SLC4A1AP: variants seen among roughly 807,000 people sequenced by gnomAD.
SLC4A1AP encodes kanadaptin.
Under a neutral mutation model 89.7 loss-of-function variants are expected in SLC4A1AP, and 64 were observed. The ratio of observed to expected loss-of-function variants is 0.71; its 90% CI spans 0.58 to 0.88. The LOEUF (loss-of-function observed/expected upper bound fraction) is 0.88, where lower values mean the gene tolerates loss of function less well. Ranked by LOEUF, SLC4A1AP falls within the 40% of genes least tolerant of loss-of-function variation. The pLI, the probability that SLC4A1AP is intolerant of heterozygous loss-of-function variation, is 0.00. For synonymous variants in SLC4A1AP, 366 were observed against 353.3 expected (o/e 1.04, Z -0.40); for missense variants, 931 against 965.0 (o/e 0.96, Z 0.47).
chr2:27,685,388 A>T, intron 10 of SLC4A1AP, 111 bp downstream of exon 10: 1 of 1,343,866 alleles, frequency 7.4e-7, no homozygotes, highest in Non-Finnish European at 1.0e-6. Context: ...TTTGTATGTG[A>T]TATACTGACT....
At chr2:27,684,920 G>A (rs1288715460) in intron 9 of SLC4A1AP, 117 bp from the exon 10 acceptor site, 12 of 1,231,250 alleles carry the variant, frequency 9.7e-6, no homozygotes, top group Non-Finnish European at 1.2e-5. Flanking sequence ...CTTCTGTGGA[G>A]TTCATCAACC....
At chr2:27,676,262 C>T (rs1378899092) in intron 6 of SLC4A1AP, among the ~76,000 whole-genome samples, 1 of 152,256 alleles carries the variant, frequency 6.6e-6, no homozygotes, top group East Asian at 1.9e-4. Flanking sequence ...ACAATACAAC[C>T]TTTTAAGTGA....
chr2:27,685,323 A>G (rs763511464), intron 10 of SLC4A1AP, 46 bp downstream of exon 10: 5 of 1,560,004 alleles, frequency 3.2e-6, no homozygotes, highest in Non-Finnish European at 3.5e-6. Context: ...GGGCAGTTAC[A>G]TTGATTGTGG....
intron 5 of SLC4A1AP, among the ~76,000 whole-genome samples, chr2:27,672,588 G>A (rs139384351): frequency 2.9e-4 from 44 of 152,040 alleles, no homozygotes; most frequent in African/African-American, 1.1e-3. Flanking sequence ...TTCTTTTTAT[G>A]TGGTCTCTGT....
At chr2:27,666,359 A>ACCCC (rs1553363258) in intron 2 of SLC4A1AP, among the ~76,000 whole-genome samples, 3 of 3,366 alleles carry the variant, frequency 8.9e-4, no homozygotes, top group Admixed American at 4.7e-3. Context: ...TCCACCCCCC[A>ACCCC]CCCCCCCCCC....
rs1398113963 is a variant in SLC4A1AP at position 27,685,042 on chromosome 2, A to AC, written c.1887dup (p.Lys630GlnfsTer15). On this transcript the variant is annotated frameshift_variant, in exon 10 of 14. Coordinates refer to ENST00000613058, the Ensembl canonical transcript of SLC4A1AP. LOFTEE classifies it high-confidence loss of function. The stretch of plus-strand genomic sequence containing the variant: ...TGGTTTTGTTTCCCTCTTAGAAGTT[A>AC]CCCCCCAAGCGTCCAGAACTCCCTC... 6.3e-7 allele frequency: 1 copy of AC among 1,594,466 alleles called. No individual in the cohort carries two copies. Among genetic ancestry groups the AC allele is most frequent in the Non-Finnish European group, 8.5e-7 (1 of 1,173,898 alleles).
chr2:27,675,649 AG>A lies in SLC4A1AP; in HGVS notation c.1465del (p.Ala489LeufsTer18), dbSNP rs1408181386. ...AAGAAGCGTCTGAACAGAATGAAGA[AG>A]GCTGGCAAGATTGATGAGAAGCCAG... On this transcript the variant is annotated frameshift_variant, in exon 6 of 14. Coordinates refer to ENST00000613058, the Ensembl canonical transcript of SLC4A1AP. LOFTEE classifies it high-confidence loss of function. 1 of 1,602,174 alleles carries A rather than the reference AG, an allele frequency of 6.2e-7. No homozygotes were observed. Among genetic ancestry groups the A allele is most frequent in the Admixed American group, 1.7e-5 (1 of 59,412 alleles).
In SLC4A1AP at chr2:27,664,083, T is replaced by TC; in HGVS notation, c.333dup (p.Asn112GlnfsTer16). 4 of 1,614,108 alleles carry TC rather than the reference T, an allele frequency of 2.5e-6. No individual in the cohort carries two copies. Among genetic ancestry groups the TC allele is most frequent in the Non-Finnish European group, 3.4e-6 (4 of 1,180,014 alleles). ...GGAAGGGCCCACTGCGTTGCAGGAC[T>TC]CCAATTCTGGGGAGCCCGACATCCC... On this transcript the variant is annotated frameshift_variant, in exon 1 of 14. Coordinates refer to ENST00000613058, the Ensembl canonical transcript of SLC4A1AP. LOFTEE classifies it high-confidence loss of function.
intron 9 of SLC4A1AP, among the ~76,000 whole-genome samples, chr2:27,683,847 T>C (rs112139837): frequency 0.047 from 7,153 of 152,172 alleles, 431 homozygotes; most frequent in African/African-American, 0.15. Flanking sequence ...GCGATTCTCC[T>C]GCCTCAGCTT....
At chr2:27,687,565 T>G (rs144437112) in intron 10 of SLC4A1AP, among the ~76,000 whole-genome samples, 2 of 152,298 alleles carry the variant, frequency 1.3e-5, no homozygotes, top group East Asian at 3.9e-4. Flanking sequence ...CACTCCAGCT[T>G]GGGCAACAGA....
At chr2:27,689,544 C>G (rs1192587352) in intron 12 of SLC4A1AP, among the ~76,000 whole-genome samples, 1 of 152,164 alleles carries the variant, frequency 6.6e-6, no homozygotes, top group African/African-American at 2.4e-5. Flanking sequence ...ATGCTTAATT[C>G]CCCTAAGAAC....
chr2:27,674,026 G>C (rs1032641265), intron 5 of SLC4A1AP, among the ~76,000 whole-genome samples: 1 of 150,774 alleles, frequency 6.6e-6, no homozygotes, highest in East Asian at 1.9e-4. Flanking sequence ...GTGTGTGTGT[G>C]TGTGTCTGTG....
chr2:27,663,930 T>A (rs1005534922), exon 1 of SLC4A1AP: 1 of 1,614,046 alleles, frequency 6.2e-7, no homozygotes, highest in Non-Finnish European at 8.5e-7. Flanking sequence ...TGACATTCTC[T>A]CTCAGTCAGA....
intron 5 of SLC4A1AP, among the ~76,000 whole-genome samples, chr2:27,675,257 C>G (rs1558507166): frequency 6.6e-6 from 1 of 152,182 alleles, no homozygotes; most frequent in Non-Finnish European, 1.5e-5. Context: ...TCCTTCCCAG[C>G]CTCTGGCAAC....
At chr2:27,674,713 A>ATT (rs71401579) in intron 5 of SLC4A1AP, among the ~76,000 whole-genome samples, 15 of 118,098 alleles carry the variant, frequency 1.3e-4, no homozygotes, top group Admixed American at 2.5e-4. Context: ...TTCCTCATTG[A>ATT]TTTTTTTTTT....
Position 27,673,359 on chromosome 2 carries a change from C to G in SLC4A1AP, c.1346-2173C>G, listed in dbSNP as rs192052029. Reference sequence around the variant, plus strand: ...TTTCTTTCTTTCTTTTTCTTTTCCTCCTTTCCCTCCCTTCTCTTTTTTCCT... The same window carrying G: ...TTTCTTTCTTTCTTTTTCTTTTCCTGCTTTCCCTCCCTTCTCTTTTTTCCT... On this transcript the variant is annotated intron_variant, in intron 5 of 13. Coordinates refer to ENST00000613058, the Ensembl canonical transcript of SLC4A1AP. Among the ~76,000 whole-genome samples, 44 of 145,538 alleles carry G rather than the reference C, an allele frequency of 3.0e-4. 1 individual carries two copies. Among genetic ancestry groups the G allele is most frequent in the African/African-American group, 1.1e-3 (42 of 39,492 alleles).
intron 12 of SLC4A1AP, among the ~76,000 whole-genome samples, chr2:27,691,389 T>C (rs1400347636): frequency 6.6e-6 from 1 of 152,112 alleles, no homozygotes; most frequent in Admixed American, 6.5e-5. Flanking sequence ...TTGCTTGTAA[T>C]GTCTCCATTT....
chr2:27,665,928 A>C (rs1161345225), intron 2 of SLC4A1AP, among the ~76,000 whole-genome samples: 1 of 152,232 alleles, frequency 6.6e-6, no homozygotes, highest in African/African-American at 2.4e-5. Context: ...AGTATGCTAG[A>C]GTGAAAGTTT....
At chr2:27,683,902 A>AT (rs1328009037) in intron 9 of SLC4A1AP, among the ~76,000 whole-genome samples, 1 of 151,550 alleles carries the variant, frequency 6.6e-6, no homozygotes, top group Non-Finnish European at 1.5e-5. Flanking sequence ...CGCCCAACTA[A>AT]TTTTTTGTAT....
Sources: allele counts gnomAD v4.1 joint callset (sites outside exome capture counted in the v4.1 genomes callset), GRCh38; gene constraint gnomAD v4.1.1; transcripts MANE v1.5; gene names NCBI Gene and HGNC (gene_info 2026-07-23, HGNC 2026-07-21).